XIST: variants seen among roughly 807,000 people sequenced by gnomAD.
XIST encodes X inactive specific transcript, also known as X inactive specific transcript (non-protein coding).
exon 1 of XIST, chrX:73,851,894 G>A (rs1409877808): frequency 1.8e-6 from 1 of 555,943 alleles, no homozygotes; most frequent in Non-Finnish European, 3.2e-6. Context: ...CAAAGCGGTA[G>A]GTACACTCAC....
chrX:73,844,205 T>C (rs1473198025), exon 1 of XIST: 3 of 556,972 alleles, frequency 5.4e-6, no homozygotes, highest in African/African-American at 2.2e-5. Flanking sequence ...AACCCTGGTA[T>C]ACTGCAAATG....
Position 73,849,528 on chromosome X carries a change from C to G in XIST, n.3196G>C, listed in dbSNP as rs189683784. The stretch of plus-strand genomic sequence containing the variant: ...GGTTTCTCCTTTAAGGGCAGGGGAT[C>G]GAGAAAATGATAAGTAACTCAAATT... On this transcript the variant is annotated non_coding_transcript_exon_variant, in exon 1 of 6. Transcript: ENST00000429829. 163 of 556,301 alleles carry G rather than the reference C, an allele frequency of 2.9e-4. 1 individual carries two copies. The highest frequency in any genetic ancestry group is 2.8e-3 in the African/African-American group (125 of 44,465). 45.8% of individuals were successfully genotyped at this position (556,301 alleles called of 1,213,427 possible). A position where few individuals can be genotyped will look rare whatever the true frequency, so the allele number is the denominator to read the frequency against.
At chrX:73,825,103 A>G (rs1922219570) in exon 6 of XIST, 1 of 514,307 alleles carries the variant, frequency 1.9e-6, no homozygotes, top group African/African-American at 2.3e-5. Flanking sequence ...CCCCTTTGGT[A>G]GCTCTAGCAC....
chrX:73,843,039 G>T (rs1246581706), exon 1 of XIST: 1 of 558,460 alleles, frequency 1.8e-6, no homozygotes. Context: ...CAAGTGCATG[G>T]AATACTCCAA....
exon 6 of XIST, chrX:73,821,360 C>G: frequency 1.8e-6 from 1 of 552,797 alleles, no homozygotes; most frequent in Non-Finnish European, 3.3e-6. Flanking sequence ...CAATAAAGTC[C>G]TCTTCTTTTG....
chrX:73,838,026 C>T (rs1444368768), intron 1 of XIST, among the ~76,000 whole-genome samples: 2 of 111,449 alleles, frequency 1.8e-5, no homozygotes, highest in Non-Finnish European at 3.8e-5. Context: ...CAACAGATTT[C>T]CTGGAAAGAC....
chrX:73,835,604 T>A (rs1465563956), intron 2 of XIST, among the ~76,000 whole-genome samples: 1 of 112,406 alleles, frequency 8.9e-6, no homozygotes, highest in East Asian at 2.8e-4. Flanking sequence ...TCATTCCAGG[T>A]TTGTTCATAC....
At chrX:73,832,823 A>G (rs1269102520) in intron 3 of XIST, among the ~76,000 whole-genome samples, 1 of 111,217 alleles carries the variant, frequency 9.0e-6, no homozygotes, top group Non-Finnish European at 1.9e-5. Context: ...GTAAAGTTAA[A>G]ATGTATGTGT....
At chrX:73,821,021 T>C in exon 6 of XIST, 1 of 559,253 alleles carries the variant, frequency 1.8e-6, no homozygotes, top group Non-Finnish European at 3.2e-6. Context: ...GTGGTAGTGA[T>C]GCCAGAAACT....
chrX:73,829,219 G>A (rs948109181), exon 5 of XIST: 1 of 553,884 alleles, frequency 1.8e-6, no homozygotes, highest in African/African-American at 2.2e-5. Flanking sequence ...TGGCAGATAG[G>A]AACAATGAAG....
chrX:73,837,876 C>T (rs1427100963), intron 1 of XIST, among the ~76,000 whole-genome samples: 1 of 111,335 alleles, frequency 9.0e-6, no homozygotes, highest in Non-Finnish European at 1.9e-5. Flanking sequence ...AAGACTTACT[C>T]TCTTTCTTTT....
At chrX:73,852,075 G>T (rs753620169) in exon 1 of XIST, 1 of 538,184 alleles carries the variant, frequency 1.9e-6, no homozygotes, top group Non-Finnish European at 3.3e-6. Flanking sequence ...ATTAAAGCAG[G>T]TATCCGAGGC....
exon 5 of XIST, chrX:73,829,105 T>C (rs775297123): frequency 4.5e-5 from 25 of 557,064 alleles, no homozygotes; most frequent in Non-Finnish European, 8.1e-5. Context: ...GTGCCAGGCA[T>C]GTTGATCTTC....
At chrX:73,838,716 T>C (rs1569512150) in intron 1 of XIST, among the ~76,000 whole-genome samples, 1 of 111,454 alleles carries the variant, frequency 9.0e-6, no homozygotes. Context: ...GATATATAAC[T>C]GTACATGGCC....
At chrX:73,850,619 A>T in exon 1 of XIST, 2 of 527,045 alleles carry the variant, frequency 3.8e-6, no homozygotes, top group Non-Finnish European at 6.8e-6. Flanking sequence ...GCTCACCACC[A>T]TGTCCACACC....
chrX:73,851,461 CCACTTGAA>C (rs746266052), exon 1 of XIST: 1 of 559,157 alleles, frequency 1.8e-6, no homozygotes, highest in Non-Finnish European at 3.2e-6. Flanking sequence ...GGCCTTCCCG[CCACTTGAA>C]CACTGCGACA....
At chrX:73,844,936 G>A (rs756438943) in exon 1 of XIST, 5 of 554,935 alleles carry the variant, frequency 9.0e-6, no homozygotes, top group Middle Eastern at 3.1e-4. Flanking sequence ...GATTGAGGGT[G>A]GGGTGGGGCA....
exon 1 of XIST, chrX:73,846,945 T>C (rs1330790778): frequency 3.6e-6 from 2 of 559,240 alleles, no homozygotes; most frequent in Non-Finnish European, 6.5e-6. Flanking sequence ...TTACATGCCA[T>C]CTACAGTTCG....
chrX:73,821,878 CCTT>C, exon 6 of XIST: 1 of 552,746 alleles, frequency 1.8e-6, no homozygotes, highest in South Asian at 2.3e-5. Flanking sequence ...TATAAAAAGC[CCTT>C]CTTGAGCAGA....
Sources: allele counts gnomAD v4.1 joint callset (sites outside exome capture counted in the v4.1 genomes callset), GRCh38; gene constraint gnomAD v4.1.1; transcripts MANE v1.5; gene names NCBI Gene and HGNC (gene_info 2026-07-23, HGNC 2026-07-21).